IQCK: variants seen among roughly 807,000 people sequenced by gnomAD.
IQCK encodes the protein IQ motif containing K, also known as IQ domain-containing protein K.
IQCK carries 29 observed loss-of-function variants against 28.1 expected under a neutral mutation model. That is an observed-to-expected ratio of 1.03 (90% CI 0.77 to 1.41). The LOEUF (loss-of-function observed/expected upper bound fraction) is 1.41. Ranked by LOEUF, IQCK falls within the 40% of genes most tolerant of loss-of-function variation. The probability of loss-of-function intolerance (pLI) is 0.00; values close to 1 mark genes in which losing one functional copy is unlikely to be tolerated. For missense variants in IQCK, 359 were observed against 314.7 expected (o/e 1.14, Z -1.07); for synonymous variants, 113 against 115.1 (o/e 0.98, Z 0.12).
intron 9 of IQCK, among the ~76,000 whole-genome samples, chr16:19,833,621 G>A (rs1597599597): frequency 6.6e-6 from 1 of 152,304 alleles, no homozygotes; most frequent in Middle Eastern, 3.4e-3. Flanking sequence ...TCTTAGAGCA[G>A]TGTTTCCTTC....
intron 6 of IQCK, among the ~76,000 whole-genome samples, chr16:19,768,911 T>G (rs1336254035): frequency 2.0e-5 from 3 of 152,202 alleles, no homozygotes; most frequent in Non-Finnish European, 4.4e-5. Flanking sequence ...AGGAATTTGG[T>G]AGCCGCTTAG....
intron 4 of IQCK, chr16:19,735,762 A>C (rs1977993711): frequency 2.7e-6 from 1 of 377,010 alleles, no homozygotes; most frequent in Admixed American, 4.0e-5. Context: ...TATTACATGC[A>C]CTGATTAAAG....
intron 6 of IQCK, among the ~76,000 whole-genome samples, chr16:19,766,291 C>T (rs931000705): frequency 4.6e-5 from 7 of 152,214 alleles, no homozygotes; most frequent in Non-Finnish European, 7.3e-5. Context: ...GACATGTTTA[C>T]AACTTGCTGT....
chr16:19,719,339 G>A (rs1028194645), intron 1 of IQCK, among the ~76,000 whole-genome samples: 6 of 152,056 alleles, frequency 3.9e-5, no homozygotes, highest in African/African-American at 1.2e-4. Context: ...AGCTCCTCAA[G>A]GTCAAGGACT....
At chr16:19,839,623 T>C (rs2056342055) in intron 9 of IQCK, among the ~76,000 whole-genome samples, 1 of 152,116 alleles carries the variant, frequency 6.6e-6, no homozygotes, top group South Asian at 2.1e-4. Flanking sequence ...AAGGAATACT[T>C]GTTGGTTGAA....
At chr16:19,840,433 G>T (rs1436074148) in intron 9 of IQCK, among the ~76,000 whole-genome samples, 1 of 152,080 alleles carries the variant, frequency 6.6e-6, no homozygotes, top group Non-Finnish European at 1.5e-5. Flanking sequence ...ATTATCTCTG[G>T]GTGGTTGTAA....
chr16:19,821,571 T>A (rs1597588799), intron 7 of IQCK, among the ~76,000 whole-genome samples: 2 of 152,144 alleles, frequency 1.3e-5, no homozygotes, highest in African/African-American at 4.8e-5. Context: ...CATGGTAGCA[T>A]GTGCCTGTAA....
chr16:19,724,017 C>T (rs1010904740), intron 1 of IQCK, among the ~76,000 whole-genome samples: 1 of 151,424 alleles, frequency 6.6e-6, no homozygotes, highest in African/African-American at 2.4e-5. Flanking sequence ...ATGGGCCAGA[C>T]TCCTTGGGGG....
At chr16:19,769,629 G>C (rs1400044985) in intron 6 of IQCK, among the ~76,000 whole-genome samples, 2 of 152,220 alleles carry the variant, frequency 1.3e-5, no homozygotes, top group Non-Finnish European at 2.9e-5. Context: ...AGGCAGTTAG[G>C]GGGTGGATTA....
chr16:19,777,641 A>G (rs1357227563), intron 6 of IQCK, among the ~76,000 whole-genome samples: 3 of 152,164 alleles, frequency 2.0e-5, no homozygotes, highest in African/African-American at 4.8e-5. Context: ...GCTGAGATGT[A>G]TAAGTTCTCT....
At chr16:19,718,978 GGTT>G (rs1977374333) in intron 1 of IQCK, among the ~76,000 whole-genome samples, 2 of 152,188 alleles carry the variant, frequency 1.3e-5, no homozygotes, top group Non-Finnish European at 2.9e-5. Flanking sequence ...TGGACAAACG[GGTT>G]TTAGTCCCTT....
chr16:19,728,820 C>G (rs1050327116), intron 1 of IQCK, among the ~76,000 whole-genome samples: 1 of 152,174 alleles, frequency 6.6e-6, no homozygotes, highest in African/African-American at 2.4e-5. Context: ...AACCTGCAAC[C>G]TGACATTCTT....
At chr16:19,721,143 A>G (rs1465677278) in intron 1 of IQCK, among the ~76,000 whole-genome samples, 1 of 152,254 alleles carries the variant, frequency 6.6e-6, no homozygotes, top group Admixed American at 6.5e-5. Context: ...TATAACATGT[A>G]GTAAATTCAG....
At chr16:19,783,060 G>A (rs370889991) in intron 6 of IQCK, among the ~76,000 whole-genome samples, 1 of 151,080 alleles carries the variant, frequency 6.6e-6, no homozygotes, top group Non-Finnish European at 1.5e-5. Flanking sequence ...GTACAGTGGT[G>A]CGATCTTGGC....
chr16:19,805,108 C>T (rs955962189), intron 7 of IQCK, among the ~76,000 whole-genome samples: 2 of 152,058 alleles, frequency 1.3e-5, no homozygotes, highest in East Asian at 1.9e-4. Flanking sequence ...GGCTTTCCTC[C>T]GGGGACAGCC....
exon 10 of IQCK, chr16:19,857,478 G>T: frequency 2.3e-6 from 1 of 436,526 alleles, no homozygotes; most frequent in African/African-American, 2.1e-5. Flanking sequence ...GCCGGGGGAA[G>T]ATAAAGGTAC....
At chr16:19,743,867 C>G (rs2054869947) in intron 4 of IQCK, among the ~76,000 whole-genome samples, 1 of 152,180 alleles carries the variant, frequency 6.6e-6, no homozygotes, top group Admixed American at 6.5e-5. Flanking sequence ...CCATGAAACT[C>G]CAAGGAAGAC....
At chr16:19,731,274 TTAGA>T (rs1351094341) in intron 2 of IQCK, among the ~76,000 whole-genome samples, 4 of 152,136 alleles carry the variant, frequency 2.6e-5, no homozygotes, top group East Asian at 1.9e-4. Flanking sequence ...TACCTTGGAA[TTAGA>T]TAGGAGCTTA....
At chr16:19,747,787 A>G (rs1487442749) in intron 4 of IQCK, among the ~76,000 whole-genome samples, 1 of 152,148 alleles carries the variant, frequency 6.6e-6, no homozygotes, top group Non-Finnish European at 1.5e-5. Context: ...AATGCCCCCC[A>G]GTTCCATCCA....
Sources: gnomAD v4.1 joint callset for allele counts (sites outside exome capture counted in the v4.1 genomes callset) on GRCh38, gnomAD v4.1.1 for gene constraint, MANE v1.5 for transcripts, NCBI Gene and HGNC (gene_info 2026-07-23, HGNC 2026-07-21) for gene names.